ZMAT3: variants seen among roughly 807,000 people sequenced by gnomAD.
ZMAT3 encodes the protein zinc finger matrin-type 3, also known as zinc finger matrin-type protein 3.
A neutral mutation model predicts 32.3 loss-of-function variants in ZMAT3; 17 were observed. The observed-to-expected ratio is 0.53, with a 90% confidence interval of 0.36 to 0.79. ZMAT3 has a LOEUF of 0.79. ZMAT3 is among the 30% of genes least tolerant of loss of function. ZMAT3 has a pLI of 0.00. For synonymous variants in ZMAT3, 120 were observed against 133.1 expected, an observed-to-expected ratio of 0.90 and a Z score of 0.68; for missense variants, 329 against 359.7, an observed-to-expected ratio of 0.91 and a Z score of 0.69.
intron 2 of ZMAT3, among the ~76,000 whole-genome samples, chr3:179,056,317 G>A (rs1021280782): frequency 1.2e-4 from 18 of 150,178 alleles, no homozygotes; most frequent in African/African-American, 4.1e-4. Context: ...CGGGACAAAC[G>A]GGATAAAAAA....
At chr3:179,040,302 G>T (rs1166029396) in intron 2 of ZMAT3, among the ~76,000 whole-genome samples, 1 of 152,144 alleles carries the variant, frequency 6.6e-6, no homozygotes, top group Non-Finnish European at 1.5e-5. Context: ...CGGTTGAAAT[G>T]AAGGAAAAAA....
intron 2 of ZMAT3, among the ~76,000 whole-genome samples, chr3:179,054,613 C>T (rs1307464278): frequency 1.3e-5 from 2 of 152,208 alleles, no homozygotes; most frequent in Non-Finnish European, 2.9e-5. Context: ...TGGGTCCCCT[C>T]CCTTTGTATG....
intron 2 of ZMAT3, among the ~76,000 whole-genome samples, chr3:179,032,775 C>T (rs907871539): frequency 3.3e-5 from 5 of 151,612 alleles, no homozygotes; most frequent in East Asian, 1.9e-4. Flanking sequence ...GCAGCCGCCC[C>T]GTCTGGGAAG....
At position 179,019,353 on chromosome 3, in the gene ZMAT3, T is replaced by C. The variant is rs973064841; in HGVS notation, c.*5664A>G. The C allele has an allele frequency of 6.6e-6, 1 of 151,956 alleles. No homozygotes were observed. The highest frequency in any genetic ancestry group is 1.5e-5 in the Non-Finnish European group (1 of 67,966). 9.4% of individuals were successfully genotyped at this position (151,956 alleles called of 1,614,324 possible). On this transcript the variant is annotated 3_prime_UTR_variant, in exon 6 of 6. Coordinates refer to ENST00000311417, the MANE Select transcript of ZMAT3 (RefSeq NM_022470.4). ...CTTTCAAAATAGATATTTAAACGAA[T>C]ACTAAACCTTAATTAATGACACCCA...
upstream of ZMAT3, among the ~76,000 whole-genome samples, chr3:179,072,446 G>C (rs1004662584): frequency 1.3e-5 from 2 of 152,122 alleles, no homozygotes; most frequent in Non-Finnish European, 1.5e-5. Context: ...ACCAGGAAAA[G>C]AGTGGCCAAC....
intron 2 of ZMAT3, among the ~76,000 whole-genome samples, chr3:179,040,289 C>T (rs1719844798): frequency 6.6e-6 from 1 of 152,146 alleles, no homozygotes; most frequent in Admixed American, 6.5e-5. Flanking sequence ...GTCACATTCA[C>T]CACGGTTGAA....
chr3:179,026,490 G>A (rs1201456450), intron 5 of ZMAT3, among the ~76,000 whole-genome samples: 5 of 146,986 alleles, frequency 3.4e-5, no homozygotes, highest in Non-Finnish European at 7.4e-5. Context: ...AGGTTCAAGC[G>A]ATTCTCCTGC....
chr3:179,049,229 G>A (rs1222148797), intron 2 of ZMAT3, among the ~76,000 whole-genome samples: 1 of 152,134 alleles, frequency 6.6e-6, no homozygotes, highest in Non-Finnish European at 1.5e-5. Flanking sequence ...AATTGTGGGG[G>A]ACTTCAATAC....
At chr3:179,033,507 T>A (rs539633985) in intron 2 of ZMAT3, among the ~76,000 whole-genome samples, 20 of 141,092 alleles carry the variant, frequency 1.4e-4, no homozygotes, top group South Asian at 1.4e-3. Flanking sequence ...AAAAAAATTT[T>A]AAAAAAAAGG....
At chr3:179,045,599 A>G (rs1264797132) in intron 2 of ZMAT3, among the ~76,000 whole-genome samples, 1 of 152,240 alleles carries the variant, frequency 6.6e-6, no homozygotes, top group Non-Finnish European at 1.5e-5. Flanking sequence ...ATATACTTAT[A>G]TAAGGGAACA....
In ZMAT3 at chr3:179,025,186, C is replaced by A. The variant is rs201175783; in HGVS notation, c.701G>T (p.Arg234Leu). The change falls in exon 6 of 6, where the codon CGT becomes CTT. Residue 234 changes from arginine (R) to leucine (L), a missense_variant. Physicochemically the swap from Arg to Leu is moderately radical, Grantham distance 102. Transcript: ENST00000311417. ...TGGAGTAACACACATGGCCAGATCA[C>A]GTGGAATTCTCTGCCGAGAGCGGGG... is the stretch of plus-strand genomic sequence containing the variant. ...FNPRSRQRIP[R>L]DLAMCVTPSG... 3.1e-6 allele frequency: 5 copies of A among 1,614,158 alleles called. No individual in the cohort carries two copies. Among genetic ancestry groups the A allele is most frequent in the Non-Finnish European group, 4.2e-6 (5 of 1,180,034 alleles).
At chr3:179,036,597 A>G (rs1288815524) in intron 2 of ZMAT3, among the ~76,000 whole-genome samples, 1 of 152,158 alleles carries the variant, frequency 6.6e-6, no homozygotes, top group African/African-American at 2.4e-5. Context: ...GTAGATGGAA[A>G]TATTTATGAA....
chr3:179,039,064 G>A (rs369802778), intron 2 of ZMAT3, among the ~76,000 whole-genome samples: 3 of 152,230 alleles, frequency 2.0e-5, no homozygotes, highest in African/African-American at 4.8e-5. Flanking sequence ...TGGGAAGCTC[G>A]AACTGGGCAG....
chr3:179,049,568 G>C (rs4395443), intron 2 of ZMAT3, among the ~76,000 whole-genome samples: 8,170 of 152,250 alleles, frequency 0.054, 304 homozygotes, highest in Middle Eastern at 0.15. Flanking sequence ...CTGAATGATT[G>C]TTGGGTCAAC....
At chr3:179,053,075 C>T (rs910364484) in intron 2 of ZMAT3, among the ~76,000 whole-genome samples, 2 of 151,788 alleles carry the variant, frequency 1.3e-5, no homozygotes, top group African/African-American at 4.8e-5. Flanking sequence ...TTGCAGTGAG[C>T]GGAGATTGTG....
chr3:179,066,504 G>A (rs1721424853), intron 2 of ZMAT3, among the ~76,000 whole-genome samples: 2 of 152,190 alleles, frequency 1.3e-5, no homozygotes, highest in Non-Finnish European at 2.9e-5. Context: ...AGTAAACAAA[G>A]TGGAGAAAGT....
At chr3:179,043,121 T>C (rs1720043267) in intron 2 of ZMAT3, among the ~76,000 whole-genome samples, 1 of 152,172 alleles carries the variant, frequency 6.6e-6, no homozygotes, top group African/African-American at 2.4e-5. Context: ...ACAGGAAGAA[T>C]CAATATCGTG....
intron 2 of ZMAT3, among the ~76,000 whole-genome samples, chr3:179,050,314 AAT>A (rs1720484875): frequency 1.3e-5 from 2 of 152,328 alleles, no homozygotes; most frequent in South Asian, 4.1e-4. Flanking sequence ...ATACCACAGA[AAT>A]ACAAAAAATC....
intron 2 of ZMAT3, among the ~76,000 whole-genome samples, chr3:179,050,211 AAACT>A (rs1423405804): frequency 1.3e-5 from 2 of 152,118 alleles, no homozygotes; most frequent in African/African-American, 4.8e-5. Flanking sequence ...AAGATAAATA[AAACT>A]AATAAACAAT....
Sources: gnomAD v4.1 joint callset for allele counts (sites outside exome capture counted in the v4.1 genomes callset) on GRCh38, gnomAD v4.1.1 for gene constraint, MANE v1.5 for transcripts, NCBI Gene and HGNC (gene_info 2026-07-23, HGNC 2026-07-21) for gene names.